The following SDE2 variants were observed in gnomAD, a reference collection of about 807,000 sequenced individuals.
SDE2 encodes the protein splicing regulator SDE2.
In SDE2, 31 loss-of-function variants were observed where a neutral mutation model predicts 46.9. The ratio of observed to expected loss-of-function variants is 0.66; its 90% confidence interval spans 0.50 to 0.89. The LOEUF (loss-of-function observed/expected upper bound fraction) is 0.89. Ranked by LOEUF, SDE2 falls within the 40% of genes least tolerant of loss-of-function variation. The pLI, the probability that SDE2 is intolerant of heterozygous loss-of-function variation, is 0.00. For synonymous variants in SDE2, 205 were observed against 204.3 expected (o/e 1.00, Z -0.03); for missense variants, 542 against 564.4 (o/e 0.96, Z 0.40).
rs1360712625 is a variant in SDE2 at position 225,988,345 on chromosome 1, C to CA, written c.684dup (p.Glu229Ter). 3.1e-6 allele frequency: 5 copies of CA among 1,614,086 alleles called. No homozygotes were observed. The highest frequency in any genetic ancestry group is 2.2e-5 in the East Asian group (1 of 44,900). ...TCTTCACTGTCATCATCTGAACTCTCAGAGTTGGACCCTTCTGCAGTCTCT... is the reference window on the plus strand; with the variant it reads ...TCTTCACTGTCATCATCTGAACTCTCAAGAGTTGGACCCTTCTGCAGTCTCT... On this transcript the variant is annotated frameshift_variant, in exon 6 of 7. Coordinates refer to ENST00000272091, the MANE Select transcript of SDE2 (RefSeq NM_152608.4). LOFTEE classifies it high-confidence loss of function.
At chr1:225,989,251 G>A (rs1026416828) in intron 5 of SDE2, among the ~76,000 whole-genome samples, 6 of 148,996 alleles carry the variant, frequency 4.0e-5, no homozygotes, top group African/African-American at 5.0e-5. Context: ...AGCCATCATC[G>A]CACCACTGCA....
chr1:225,988,364 A>G lies in SDE2; in HGVS notation c.666T>C (p.Thr222=). 1 of 1,614,166 alleles carries G rather than the reference A, an allele frequency of 6.2e-7. No individual in the cohort carries two copies. Among genetic ancestry groups the G allele is most frequent in the Non-Finnish European group, 8.5e-7 (1 of 1,179,996 alleles). The change falls in exon 6 of 7, where the codon ACT becomes ACC. Residue 222 remains threonine (T), a synonymous_variant. Coordinates refer to ENST00000272091, the MANE Select transcript of SDE2 (RefSeq NM_152608.4). The part of the protein sequence containing the change: ...CFWLGMEGLE[T]AEGSNSESSD... Reference sequence around the variant, plus strand: ...AACTCTCAGAGTTGGACCCTTCTGCAGTCTCTAGTCCCTCCATGCCCAACC... The same window carrying G: ...AACTCTCAGAGTTGGACCCTTCTGCGGTCTCTAGTCCCTCCATGCCCAACC...
intron 5 of SDE2, among the ~76,000 whole-genome samples, 197 bp downstream of exon 5, chr1:225,991,046 C>G (rs192950667): frequency 4.6e-5 from 7 of 152,288 alleles, no homozygotes; most frequent in Non-Finnish European, 1.0e-4. Flanking sequence ...CCTTTACATT[C>G]AATTAATGGC....
At chr1:225,995,630 C>A (rs548678288) in intron 1 of SDE2, among the ~76,000 whole-genome samples, 1 of 152,252 alleles carries the variant, frequency 6.6e-6, no homozygotes, top group South Asian at 2.1e-4. Context: ...GCGGTGACAA[C>A]AAAAACTGCT....
At chr1:225,997,893 G>GCC (rs1455078547) in intron 1 of SDE2, among the ~76,000 whole-genome samples, 1 of 152,174 alleles carries the variant, frequency 6.6e-6, no homozygotes, top group Non-Finnish European at 1.5e-5. Flanking sequence ...CACTTTGTGA[G>GCC]GCTGAGGTGG....
Position 225,995,343 on chromosome 1 carries a change from G to A in SDE2, c.161C>T (p.Ala54Val), listed in dbSNP as rs374537611. The A allele has an allele frequency of 1.4e-5, 23 of 1,612,050 alleles. No homozygotes were observed. Among genetic ancestry groups the A allele is most frequent in the Admixed American group, 6.7e-5 (4 of 59,904 alleles). ...VENFFVKCNG[A>V]LINTSDTVQH... Reference sequence around the variant, plus strand: ...CACTGTGTCACTGGTGTTAATGAGTGCTCCATTGCATTTCACAAAGAAGTT... The same window carrying A: ...CACTGTGTCACTGGTGTTAATGAGTACTCCATTGCATTTCACAAAGAAGTT... Residue 54 changes from alanine to valine, a missense_variant, in exon 2 of 7, where the codon GCA becomes GTA. Physicochemically the swap from Ala to Val is moderately conservative, Grantham distance 64. Around this residue, in one of 3 missense-constraint regions of SDE2, gnomAD observed 135 missense variants for 106.5 expected, o/e 1.27. Coordinates refer to ENST00000272091, the MANE Select transcript of SDE2 (RefSeq NM_152608.4).
intron 5 of SDE2, 68 bp from the exon 6 acceptor site, chr1:225,988,456 C>G: frequency 2.0e-6 from 3 of 1,535,700 alleles, no homozygotes; most frequent in Non-Finnish European, 8.9e-7. Flanking sequence ...GTTGGCTGGG[C>G]GCAGTGGCTC....
At position 225,984,445 on chromosome 1, in the gene SDE2, GAAGA is replaced by G; in HGVS notation, c.*853_*856del. The stretch of plus-strand genomic sequence containing the variant: ...GATCAAAGGAGACTCAAGCTAAATA[GAAGA>G]AAGAAAATAACAGAAATTAATTATA... On this transcript the variant is annotated 3_prime_UTR_variant, in exon 7 of 7. Transcript: ENST00000272091. 1 of 152,194 alleles carries G rather than the reference GAAGA, an allele frequency of 6.6e-6. No individual in the cohort carries two copies. Among genetic ancestry groups the G allele is most frequent in the Admixed American group, 6.5e-5 (1 of 15,290 alleles). 9.4% of individuals were successfully genotyped at this position (152,194 alleles called of 1,614,324 possible). A position where few individuals can be genotyped will look rare whatever the true frequency, so the allele number is the denominator to read the frequency against.
chr1:225,992,668 T>C, intron 3 of SDE2, 101 bp from the exon 4 acceptor site: 1 of 803,708 alleles, frequency 1.2e-6, no homozygotes, highest in Non-Finnish European at 2.0e-6. Context: ...GTTCATACTG[T>C]GATATTCTCT....
Position 225,995,310 on chromosome 1 carries a change from C to A in SDE2, c.194G>T (p.Gly65Val). The change falls in exon 2 of 7, where the codon GGA becomes GTA. Residue 65 changes from glycine (G) to valine (V), a missense_variant. Gly to Val is a moderately radical substitution (Grantham distance 109). Coordinates refer to ENST00000272091, the MANE Select transcript of SDE2 (RefSeq NM_152608.4). ...TCTGGGTTCCAAACTATAAACAGCT[C>A]CATGCTGCACTGTGTCACTGGTGTT... ...LINTSDTVQH[G>V]AVYSLEPRLC... The A allele has an allele frequency of 6.2e-7, 1 of 1,612,702 alleles. No individual in the cohort carries two copies.
At position 225,988,222 on chromosome 1, in the gene SDE2, T is replaced by C; in HGVS notation, c.808A>G (p.Arg270Gly). ...AKFPSGSQRA[R>G]VVNTDHGSPE... The stretch of plus-strand genomic sequence containing the variant: ...GATCCATGGTCTGTATTCACTACTC[T>C]CGCCCTCTGAGAACCACTGGGAAAT... The change falls in exon 6 of 7, where the codon AGA becomes GGA. Residue 270 changes from arginine to glycine, a missense_variant. Around this residue, in one of 3 missense-constraint regions of SDE2, gnomAD observed 401 missense variants for 437.8 expected, o/e 0.92. Coordinates refer to ENST00000272091, the MANE Select transcript of SDE2 (RefSeq NM_152608.4). The C allele has an allele frequency of 6.2e-7, 1 of 1,614,206 alleles. No homozygotes were observed. The highest frequency in any genetic ancestry group is 8.5e-7 in the Non-Finnish European group (1 of 1,180,036).
chr1:225,985,366 C>T lies in SDE2; in HGVS notation c.1292G>A (p.Gly431Glu), dbSNP rs1159735597. 3 of 1,614,118 alleles carry T rather than the reference C, an allele frequency of 1.9e-6. No homozygotes were observed. Among genetic ancestry groups the T allele is most frequent in the African/African-American group, 2.7e-5 (2 of 74,936 alleles). ...ERAARLFSVR[G>E]LAKEQIDPAL... ...CGGGTCAATTTGCTCCTTTGCCAGT[C>T]CTCTGACAGAGAAGAGTCTTGCTGC... The change falls in exon 7 of 7, where the codon GGA becomes GAA. Residue 431 changes from glycine (G) to glutamate (E), a missense_variant. Transcript: ENST00000272091.
chr1:225,993,767 T>A (rs771092480), intron 2 of SDE2, among the ~76,000 whole-genome samples: 8 of 152,174 alleles, frequency 5.3e-5, no homozygotes, highest in Non-Finnish European at 8.8e-5. Context: ...TCATTCATTC[T>A]TTTTATCCCC....
In SDE2 at chr1:225,988,454, G is replaced by A. The variant is rs1656320981; in HGVS notation, c.642-66C>T. 7 of 1,538,420 alleles carry A rather than the reference G, an allele frequency of 4.6e-6. No homozygotes were observed. The Admixed American group carries it at 1.2e-4, about 27-fold the overall frequency. On this transcript the variant is annotated intron_variant, in intron 5 of 6. Coordinates refer to ENST00000272091, the MANE Select transcript of SDE2 (RefSeq NM_152608.4). ...TCTATTTAAAGCAAAGAGTTGGCTG[G>A]GCGCAGTGGCTCAGGCCTGTAATCC...
At chr1:225,992,802 T>C (rs1656432470) in intron 3 of SDE2, 89 bp downstream of exon 3, 1 of 748,450 alleles carries the variant, frequency 1.3e-6, no homozygotes, top group Non-Finnish European at 2.3e-6. Flanking sequence ...TAAGTTTCCA[T>C]TTCCAATATG....
intron 1 of SDE2, among the ~76,000 whole-genome samples, chr1:225,997,407 G>C (rs576154448): frequency 5.0e-4 from 76 of 152,118 alleles, no homozygotes; most frequent in African/African-American, 1.8e-3. Flanking sequence ...TTAAGTTTCT[G>C]ACTGAATCCA....
chr1:225,997,290 T>C (rs935332319), intron 1 of SDE2, among the ~76,000 whole-genome samples: 6 of 152,194 alleles, frequency 3.9e-5, no homozygotes, highest in Non-Finnish European at 7.4e-5. Flanking sequence ...CTCAGAATAG[T>C]TTTGTTTTTA....
In SDE2 at chr1:225,995,888, A is replaced by G. The variant is rs571428384; in HGVS notation, c.121-505T>C. ...GACATAAATACATGAAAAATGAGCAAAAATGAGCAAAGTTGCTGAAGATAG... is the reference window on the plus strand; with the variant it reads ...GACATAAATACATGAAAAATGAGCAGAAATGAGCAAAGTTGCTGAAGATAG... On this transcript the variant is annotated intron_variant, in intron 1 of 6. Coordinates refer to ENST00000272091, the MANE Select transcript of SDE2 (RefSeq NM_152608.4). 5.9e-5 allele frequency among the ~76,000 whole-genome samples: 9 copies of G among 152,252 alleles called. No homozygotes were observed. The East Asian group carries it at 1.7e-3, about 29-fold the overall frequency.
chr1:225,998,925 C>A (rs1656592447), intron 1 of SDE2, among the ~76,000 whole-genome samples: 1 of 151,920 alleles, frequency 6.6e-6, no homozygotes, highest in Non-Finnish European at 1.5e-5. Context: ...GAAAGAGAAA[C>A]AAAGTATTTG....
Sources: gnomAD v4.1 joint callset for allele counts (sites outside exome capture counted in the v4.1 genomes callset) on GRCh38, gnomAD v4.1.1 for gene constraint, gnomAD v4.1.1 regional missense constraint, MANE v1.5 for transcripts, NCBI Gene and HGNC (gene_info 2026-07-23, HGNC 2026-07-21) for gene names.